The following PREPL variants were observed in gnomAD, a reference collection of about 807,000 sequenced individuals.
PREPL encodes the protein prolyl endopeptidase like.
Under a neutral mutation model 70.6 loss-of-function variants are expected in PREPL, and 77 were observed. That is an observed-to-expected ratio of 1.09 (90% CI 0.91 to 1.32). The LOEUF (loss-of-function observed/expected upper bound fraction) is 1.32, where lower values mean the gene tolerates loss of function less well. Among genes scored for constraint, PREPL ranks in the 40% most tolerant of loss-of-function variants. The probability of loss-of-function intolerance (pLI) is 0.00; values close to 1 mark genes in which losing one functional copy is unlikely to be tolerated. For missense variants in PREPL, 1,002 were observed against 778.2 expected (o/e 1.29, Z -3.42); for synonymous variants, 315 against 264.8 (o/e 1.19, Z -1.84).
intron 1 of PREPL, chr2:44,360,700 T>C (rs1300477673): frequency 1.3e-5 from 2 of 152,170 alleles, no homozygotes; most frequent in African/African-American, 2.4e-5. Context: ...ATGACACCAT[T>C]TACCTTCTAG....
rs1674967307 is a variant in PREPL at position 44,339,309 on chromosome 2, A to G, written c.540T>C (p.Ile180=). 1.2e-6 allele frequency: 2 copies of G among 1,614,056 alleles called. No individual in the cohort carries two copies. The highest frequency in any genetic ancestry group is 1.7e-6 in the Non-Finnish European group (2 of 1,179,998). The change falls in exon 6 of 14, where the codon ATT becomes ATC. Residue 180 remains isoleucine (I), a synonymous_variant. Transcript: ENST00000409411. ...ACACTTCAGAAGTAGTCTTGTTCATAATATTTATGGTGAGGAAACGACTGT... is the reference window on the plus strand; with the variant it reads ...ACACTTCAGAAGTAGTCTTGTTCATGATATTTATGGTGAGGAAACGACTGT... ...TKDSRFLTIN[I]MNKTTSEVWL...
chr2:44,334,369 C>T (rs913007970), intron 7 of PREPL, among the ~76,000 whole-genome samples: 4 of 152,084 alleles, frequency 2.6e-5, no homozygotes, highest in African/African-American at 7.2e-5. Flanking sequence ...ATGCAGACTC[C>T]TCCTCTAAAT....
At chr2:44,323,484 T>G (rs1351195765) in intron 10 of PREPL, 73 bp from the exon 11 acceptor site, 1 of 1,238,542 alleles carries the variant, frequency 8.1e-7, no homozygotes, top group African/African-American at 1.5e-5. Context: ...ACATTCTATT[T>G]TATGAATATA....
chr2:44,361,771 G>A (rs1284125725), upstream of PREPL: 5 of 616,118 alleles, frequency 8.1e-6, no homozygotes, highest in South Asian at 7.6e-5. Context: ...TCATCCTCTG[G>A]TCCGCCCTCA....
intron 8 of PREPL, among the ~76,000 whole-genome samples, chr2:44,331,264 G>A (rs148599413): frequency 6.6e-6 from 1 of 151,832 alleles, no homozygotes; most frequent in Non-Finnish European, 1.5e-5. Context: ...CTGTAGGCTG[G>A]AGAGCAGTGG....
intron 10 of PREPL, among the ~76,000 whole-genome samples, chr2:44,325,036 G>C (rs1172193304): frequency 1.3e-5 from 2 of 152,150 alleles, no homozygotes; most frequent in African/African-American, 2.4e-5. Context: ...CAAGTATAGT[G>C]AGTCATCTGT....
intron 1 of PREPL, among the ~76,000 whole-genome samples, chr2:44,357,397 T>C (rs564792609): frequency 6.6e-6 from 1 of 152,354 alleles, no homozygotes; most frequent in South Asian, 2.1e-4. Context: ...TTTTCACAGC[T>C]GCCGGGGCAT....
chr2:44,317,896 C>A lies in PREPL; in HGVS notation c.*3460G>T. The A allele has an allele frequency of 4.5e-6, 1 of 221,836 alleles. No individual in the cohort carries two copies. The highest frequency in any genetic ancestry group is 9.3e-6 in the Non-Finnish European group (1 of 108,054). 13.7% of individuals were successfully genotyped at this position (221,836 alleles called of 1,614,324 possible). A position where few individuals can be genotyped will look rare whatever the true frequency, so the allele number is the denominator to read the frequency against. On this transcript the variant is annotated 3_prime_UTR_variant, in exon 14 of 14. Coordinates refer to ENST00000409411, the MANE Select transcript of PREPL (RefSeq NM_001171613.2). ...TTAAAAGATAAAACCACTCAGATAACAAAAACAGACATAAGAAACACTAAC... is the reference window on the plus strand; with the variant it reads ...TTAAAAGATAAAACCACTCAGATAAAAAAAACAGACATAAGAAACACTAAC...
intron 6 of PREPL, 147 bp downstream of exon 6, chr2:44,339,000 C>G (rs1674932191): frequency 7.7e-7 from 1 of 1,302,926 alleles, no homozygotes; most frequent in African/African-American, 1.5e-5. Flanking sequence ...GAGGCATTAG[C>G]TCTAAGGGAA....
In PREPL at chr2:44,344,549, C is replaced by G. The variant is rs1675576318; in HGVS notation, c.113G>C (p.Cys38Ser). ...HGGFVYYQEG[C>S]CLVRSKDEEA... ...TTCATCTTTGGAACGAACCAAGCAA[C>G]AACCTTCTTGGTAATAAACAAAACC... Residue 38 changes from cysteine (C) to serine (S), a missense_variant, in exon 3 of 14, where the codon TGT (cysteine) becomes TCT (serine). Coordinates refer to ENST00000409411, the MANE Select transcript of PREPL (RefSeq NM_001171613.2). The G allele has an allele frequency of 6.2e-7, 1 of 1,603,746 alleles. No homozygotes were observed. Among genetic ancestry groups the G allele is most frequent in the South Asian group, 1.1e-5 (1 of 87,956 alleles).
chr2:44,323,199 A>C lies in PREPL; in HGVS notation c.1629+63T>G. 4 of 1,422,536 alleles carry C rather than the reference A, an allele frequency of 2.8e-6. No homozygotes were observed. In the South Asian group the frequency reaches 4.3e-5, roughly 15 times the overall value. The allele number at this position is 1,422,536 out of a possible 1,614,324, so 88.1% of individuals were successfully genotyped here. On this transcript the variant is annotated intron_variant, in intron 11 of 13. Coordinates refer to ENST00000409411, the MANE Select transcript of PREPL (RefSeq NM_001171613.2). ...TCCTATTTTTGCTTCAGCTTGGATA[A>C]GTTTTTTTTTTATTATCTTCTGTGT... is the stretch of plus-strand genomic sequence containing the variant.
intron 5 of PREPL, 98 bp from the exon 6 acceptor site, chr2:44,339,461 T>C: frequency 6.8e-7 from 1 of 1,472,892 alleles, no homozygotes; most frequent in Non-Finnish European, 9.1e-7. Context: ...TACATGTTGA[T>C]TTATAATGCA....
intron 1 of PREPL, among the ~76,000 whole-genome samples, chr2:44,353,541 T>C (rs1472843641): frequency 6.6e-6 from 1 of 151,122 alleles, no homozygotes; most frequent in Non-Finnish European, 1.5e-5. Flanking sequence ...TGAGCTGAGA[T>C]GGCACCACTG....
rs1327150745 is a variant in PREPL at position 44,317,823 on chromosome 2, G to A, written c.*3533C>T. On this transcript the variant is annotated 3_prime_UTR_variant, in exon 14 of 14. Transcript: ENST00000409411. ...AAATAAAATAGGGCTTCCGAATTAT[G>A]TCTAAATAATACAATAATTACAAAT... 6.1e-6 allele frequency: 1 copy of A among 163,858 alleles called. No individual in the cohort carries two copies. The highest frequency in any genetic ancestry group is 2.4e-5 in the African/African-American group (1 of 41,426). 10.2% of individuals were successfully genotyped at this position (163,858 alleles called of 1,614,324 possible).
At chr2:44,342,169 C>T (rs1464834989) in intron 5 of PREPL, among the ~76,000 whole-genome samples, 1 of 152,112 alleles carries the variant, frequency 6.6e-6, no homozygotes, top group Non-Finnish European at 1.5e-5. Flanking sequence ...CATGAATGAA[C>T]TATGTTGTAA....
chr2:44,346,280 G>T lies in PREPL; in HGVS notation c.63C>A (p.Ile21=). ...LETQPQEEYE[I]INVEVKHGGF... is the part of the protein sequence containing the mutation. The stretch of plus-strand genomic sequence containing the variant: ...TGAGATATCTTACTTCCACATTGAT[G>T]ATTTCATATTCTTCTTGTGGCTGTG... The change falls in exon 2 of 14, where the codon ATC becomes ATA. Residue 21 remains isoleucine, a synonymous_variant. Transcript: ENST00000409411. 1 of 1,610,830 alleles carries T rather than the reference G, an allele frequency of 6.2e-7. No individual in the cohort carries two copies. The highest frequency in any genetic ancestry group is 1.3e-5 in the African/African-American group (1 of 74,796).
At chr2:44,360,005 T>C (rs1046447320) in intron 1 of PREPL, 6 of 336,808 alleles carry the variant, frequency 1.8e-5, no homozygotes, top group Admixed American at 4.6e-5. Context: ...GCTCAAACTA[T>C]GCAGCACTGA....
At chr2:44,356,575 T>C (rs935392499) in intron 1 of PREPL, among the ~76,000 whole-genome samples, 5 of 151,738 alleles carry the variant, frequency 3.3e-5, no homozygotes, top group African/African-American at 9.7e-5. Context: ...AAACAACAGA[T>C]GTGTAGGCCT....
At position 44,322,839 on chromosome 2, in the gene PREPL, G is replaced by C; in HGVS notation, c.1645C>G (p.His549Asp). Residue 549 changes from histidine to aspartate, a missense_variant, in exon 12 of 14, where the codon CAC becomes GAC. His to Asp is a moderately conservative substitution (Grantham distance 81). Transcript: ENST00000409411. The part of the protein sequence containing the change: ...NIKPQHYPSI[H>D]ITAYENDERV... ...TCATCGTTTTCATATGCCGTTATGT[G>C]AATTGAAGGATAATGCTGAAAGAAA... 1 of 1,613,378 alleles carries C rather than the reference G, an allele frequency of 6.2e-7. No individual in the cohort carries two copies. Among genetic ancestry groups the C allele is most frequent in the South Asian group, 1.1e-5 (1 of 91,026 alleles).
Sources: gnomAD v4.1 joint callset for allele counts (sites outside exome capture counted in the v4.1 genomes callset) on GRCh38, gnomAD v4.1.1 for gene constraint, MANE v1.5 for transcripts, NCBI Gene and HGNC (gene_info 2026-07-23, HGNC 2026-07-21) for gene names.